The following UBA3 variants were observed in gnomAD, a reference collection of about 807,000 sequenced individuals.
The protein encoded by UBA3 is NEDD8-activating enzyme E1 catalytic subunit.
UBA3 carries 26 observed loss-of-function variants against 73.5 expected under a neutral mutation model. That is an observed-to-expected ratio of 0.35 (90% CI 0.26 to 0.49). The LOEUF is 0.49. Ranked by LOEUF, UBA3 falls within the 20% of genes least tolerant of loss-of-function variation. UBA3 has a pLI of 0.98. For missense variants in UBA3, 495 were observed against 555.6 expected, an observed-to-expected ratio of 0.89 and a Z score of 1.10; for synonymous variants, 217 against 191.2, an observed-to-expected ratio of 1.13 and a Z score of -1.11.
intron 11 of UBA3, 31 bp downstream of exon 11, chr3:69,061,783 C>T: frequency 3.5e-6 from 5 of 1,430,782 alleles, no homozygotes; most frequent in Non-Finnish European, 4.8e-6. Context: ...GTCATCCCAA[C>T]ATCATAATTC....
chr3:69,072,933 G>A (rs1325561534), intron 4 of UBA3, among the ~76,000 whole-genome samples: 3 of 152,086 alleles, frequency 2.0e-5, no homozygotes, highest in Admixed American at 2.0e-4. Flanking sequence ...TAATCCTGTT[G>A]ATTCCATCTT....
chr3:69,071,441 C>T, intron 5 of UBA3, 94 bp downstream of exon 5: 1 of 677,424 alleles, frequency 1.5e-6, no homozygotes, highest in Non-Finnish European at 2.4e-6. Flanking sequence ...ATTATCCTCT[C>T]AAGTCATTTT....
Position 69,076,007 on chromosome 3 carries a change from C to G in UBA3, c.184-497G>C, listed in dbSNP as rs550273297. ...CAGCCTCCCAAAGTTTCTTGGATTA[C>G]AGGCATGAGGTGCCGCGTCCGGCCA... On this transcript the variant is annotated intron_variant, in intron 3 of 17. Transcript: ENST00000361055. Among the ~76,000 whole-genome samples, 16 of 152,270 alleles carry G rather than the reference C, an allele frequency of 1.1e-4. No individual in the cohort carries two copies. The South Asian group carries it at 3.1e-3, about 30-fold the overall frequency.
At chr3:69,062,729 T>A (rs973238466) in intron 9 of UBA3, among the ~76,000 whole-genome samples, 8 of 152,184 alleles carry the variant, frequency 5.3e-5, no homozygotes, top group Non-Finnish European at 8.8e-5. Flanking sequence ...AACTTTGTAA[T>A]TCTACTTGAT....
chr3:69,063,484 AC>A lies in UBA3; in HGVS notation c.491del (p.Cys164LeufsTer12). The A allele has an allele frequency of 6.4e-7, 1 of 1,571,322 alleles. No individual in the cohort carries two copies. The highest frequency in any genetic ancestry group is 8.6e-7 in the Non-Finnish European group (1 of 1,166,380). ...TTCTGGCGATGATAGAGTCCAGTCC[AC>A]ATACAATAATATGAAATTCTACAAA... ...TFYRQFHIIVCGLDSIIARRW... is the reference protein window; with the variant it reads ...TFYRQFHIIVXGLDSIIARRW... On this transcript the variant is annotated frameshift_variant, in exon 8 of 18. Coordinates refer to ENST00000361055, the MANE Select transcript of UBA3 (RefSeq NM_003968.4). LOFTEE classifies it high-confidence loss of function.
intron 2 of UBA3, 188 bp downstream of exon 2, chr3:69,079,924 C>A: frequency 1.8e-6 from 1 of 557,052 alleles, no homozygotes; most frequent in East Asian, 3.3e-5. Context: ...CCGCACCGGG[C>A]AGATACCGGG....
At chr3:69,063,266 A>T (rs934230861) in intron 8 of UBA3, 129 bp from the exon 9 acceptor site, 9 of 1,324,096 alleles carry the variant, frequency 6.8e-6, no homozygotes, top group Non-Finnish European at 8.3e-6. Flanking sequence ...AGGGATTATA[A>T]TAACAATTTG....
intron 9 of UBA3, among the ~76,000 whole-genome samples, chr3:69,062,431 G>GA (rs2092029664): frequency 1.3e-5 from 2 of 152,226 alleles, no homozygotes; most frequent in Admixed American, 1.3e-4. Flanking sequence ...ACTATGAGAA[G>GA]AAAAATACTG....
In UBA3 at chr3:69,055,369, C is replaced by T. The variant is rs1419754897; in HGVS notation, c.*68G>A. 8 of 1,028,950 alleles carry T rather than the reference C, an allele frequency of 7.8e-6. No homozygotes were observed. Among genetic ancestry groups the T allele is most frequent in the South Asian group, 2.3e-5 (1 of 44,166 alleles). 63.7% of individuals were successfully genotyped at this position (1,028,950 alleles called of 1,614,324 possible). A position where few individuals can be genotyped will look rare whatever the true frequency, so the allele number is the denominator to read the frequency against. ...GCAACACTATTGCTAAAAATGACAT[C>T]GATTCAACTTCTTAGCATCCACAAA... is the stretch of plus-strand genomic sequence containing the variant. On this transcript the variant is annotated 3_prime_UTR_variant, in exon 18 of 18. Transcript: ENST00000361055.
At position 69,064,115 on chromosome 3, in the gene UBA3, A is replaced by C. The variant is rs1559643326; in HGVS notation, c.429-4T>G. On this transcript the variant is annotated splice_region_variant and splice_polypyrimidine_tract_variant and intron_variant, in intron 6 of 17. Transcript: ENST00000361055. The stretch of plus-strand genomic sequence containing the variant: ...ATCTTGAATCTTGTTGAAATGTCTG[A>C]ATACAAGTAAAGGAACTTAAGCAGC... 6.2e-7 allele frequency: 1 copy of C among 1,600,626 alleles called. No homozygotes were observed. Among genetic ancestry groups the C allele is most frequent in the Non-Finnish European group, 8.5e-7 (1 of 1,175,208 alleles).
intron 12 of UBA3, 152 bp downstream of exon 12, chr3:69,057,104 A>T (rs1171714971): frequency 1.1e-6 from 1 of 891,894 alleles, no homozygotes; most frequent in African/African-American, 1.7e-5. Flanking sequence ...AAGACAAAAA[A>T]TATGCAAAGT....
At chr3:69,067,870 A>T in intron 6 of UBA3, 58 bp downstream of exon 6, 1 of 1,327,704 alleles carries the variant, frequency 7.5e-7, no homozygotes, top group East Asian at 2.4e-5. Context: ...AATATCTCTT[A>T]TAATAAAGGA....
At chr3:69,068,793 A>T (rs1259801731) in intron 5 of UBA3, among the ~76,000 whole-genome samples, 2 of 152,078 alleles carry the variant, frequency 1.3e-5, no homozygotes, top group East Asian at 3.9e-4. Flanking sequence ...CTGGTCTCGA[A>T]CTCCTGACCT....
chr3:69,063,415 C>G, intron 8 of UBA3, 24 bp downstream of exon 8: 1 of 1,576,744 alleles, frequency 6.3e-7, no homozygotes, highest in South Asian at 1.2e-5. Context: ...CTTCAGAGAA[C>G]TATAACAATA....
intron 7 of UBA3, 59 bp downstream of exon 7, chr3:69,064,009 G>T: frequency 7.0e-7 from 1 of 1,427,404 alleles, no homozygotes; most frequent in Non-Finnish European, 9.7e-7. Flanking sequence ...TATTTGAATA[G>T]CTACCAACTA....
intron 5 of UBA3, among the ~76,000 whole-genome samples, chr3:69,070,715 T>C (rs2092115117): frequency 1.3e-5 from 2 of 152,122 alleles, no homozygotes; most frequent in Non-Finnish European, 2.9e-5. Context: ...TACAGTGGCA[T>C]GAACACAGTT....
Position 69,071,602 on chromosome 3 carries a change from T to C in UBA3, c.280A>G (p.Arg94Gly). The change falls in exon 5 of 18, where the codon AGA becomes GGA. Residue 94 changes from arginine to glycine, a missense_variant. Transcript: ENST00000361055. ...LLKNLALSGFRQIHVIDMDTI... is the reference protein window; with the variant it reads ...LLKNLALSGFGQIHVIDMDTI... ...TCCATATCTATAACATGAATCTGTC[T>C]AAAACCAGACAAGGCCTGTGGGAAT... The C allele has an allele frequency of 6.4e-7, 1 of 1,557,774 alleles. No individual in the cohort carries two copies.
chr3:69,066,117 G>T (rs1446650814), intron 6 of UBA3, among the ~76,000 whole-genome samples: 1 of 151,990 alleles, frequency 6.6e-6, no homozygotes, highest in Non-Finnish European at 1.5e-5. Context: ...GAAGTTCAGT[G>T]TATCAATTTT....
chr3:69,057,125 GT>G, intron 12 of UBA3, 130 bp downstream of exon 12: 1 of 977,728 alleles, frequency 1.0e-6, no homozygotes, highest in Non-Finnish European at 1.6e-6. Flanking sequence ...CTAATAACTG[GT>G]TCTTTTTCGA....
Sources: gnomAD v4.1 joint callset for allele counts (sites outside exome capture counted in the v4.1 genomes callset) on GRCh38, gnomAD v4.1.1 for gene constraint, MANE v1.5 for transcripts, NCBI Gene and HGNC (gene_info 2026-07-23, HGNC 2026-07-21) for gene names.